Variants in GFPT1 observed in about 807,000 individuals in gnomAD.
GFPT1 encodes glutamine--fructose-6-phosphate transaminase 1.
A neutral mutation model predicts 92.0 loss-of-function variants in GFPT1; 40 were observed. That is an observed-to-expected ratio of 0.43 (90% CI 0.34 to 0.57). The LOEUF is 0.57. GFPT1 is among the 20% of genes least tolerant of loss of function. The pLI, the probability that GFPT1 is intolerant of heterozygous loss-of-function variation, is 0.02. For missense variants in GFPT1, 448 were observed against 869.1 expected (o/e 0.52, Z 6.09); for synonymous variants, 269 against 280.6 (o/e 0.96, Z 0.41).
chr2:69,342,116 AT>A, intron 13 of GFPT1, 35 bp downstream of exon 13: 2 of 1,101,770 alleles, frequency 1.8e-6, no homozygotes, highest in Non-Finnish European at 2.8e-6. Context: ...ATATTCTCTA[AT>A]ATTCAACATA....
chr2:69,365,685 T>C (rs548401817), intron 3 of GFPT1, among the ~76,000 whole-genome samples: 1 of 152,222 alleles, frequency 6.6e-6, no homozygotes, highest in Non-Finnish European at 1.5e-5. Flanking sequence ...AACTCAGGCA[T>C]CTATTCTTTC....
At chr2:69,352,431 C>T (rs78542231) in intron 9 of GFPT1, among the ~76,000 whole-genome samples, 3,409 of 149,710 alleles carry the variant, frequency 0.023, 135 homozygotes, top group African/African-American at 0.078. Flanking sequence ...TGAGCAACAG[C>T]CTGAAACCCC....
rs956338400 is a variant in GFPT1, at chr2:69,387,218, G to C, written c.-147C>G. On this transcript the variant is annotated 5_prime_UTR_variant, in exon 1 of 20. Transcript: ENST00000357308. ...TCGGGGATGCGACGGCCAAGGCAACGACAGCCTTCTCCGCCTCCCGGGCTC... is the reference window on the plus strand; with the variant it reads ...TCGGGGATGCGACGGCCAAGGCAACCACAGCCTTCTCCGCCTCCCGGGCTC... 38 of 849,430 alleles carry C rather than the reference G, an allele frequency of 4.5e-5. No individual in the cohort carries two copies. Among genetic ancestry groups the C allele is most frequent in the East Asian group, 3.3e-5 (1 of 30,578 alleles). The allele number at this position is 849,430 out of a possible 1,614,324, so 52.6% of individuals were successfully genotyped here.
chr2:69,327,207 G>C (rs1670552957), intron 18 of GFPT1, 132 bp from the exon 19 acceptor site: 1 of 766,956 alleles, frequency 1.3e-6, no homozygotes. Context: ...AAATTCCTGT[G>C]TAGTAAATCT....
chr2:69,343,724 T>C (rs1456439703), intron 12 of GFPT1, among the ~76,000 whole-genome samples: 1 of 152,202 alleles, frequency 6.6e-6, no homozygotes, highest in Non-Finnish European at 1.5e-5. Flanking sequence ...TCCACCTTCT[T>C]TTTTATCTTA....
intron 2 of GFPT1, among the ~76,000 whole-genome samples, chr2:69,372,269 G>C (rs1464322117): frequency 6.7e-6 from 1 of 149,080 alleles, no homozygotes; most frequent in African/African-American, 2.5e-5. Context: ...TAAGAGAAGT[G>C]GATCTAGAAA....
intron 19 of GFPT1, 137 bp downstream of exon 19, chr2:69,326,777 C>T: frequency 1.2e-6 from 1 of 835,982 alleles, no homozygotes; most frequent in Non-Finnish European, 2.0e-6. Flanking sequence ...ACAAATTGGG[C>T]CATGAAAATA....
chr2:69,330,203 C>CA (rs911756011), intron 15 of GFPT1, among the ~76,000 whole-genome samples: 1 of 152,102 alleles, frequency 6.6e-6, no homozygotes, highest in South Asian at 2.1e-4. Flanking sequence ...ACCCTGTCTC[C>CA]AAAAAACAAA....
intron 9 of GFPT1, among the ~76,000 whole-genome samples, chr2:69,352,642 T>G (rs1259290022): frequency 7.7e-6 from 1 of 129,342 alleles, no homozygotes; most frequent in African/African-American, 3.0e-5. Context: ...AAAAAACAAC[T>G]ACTTTTGCTT....
At chr2:69,342,293 T>C (rs750883989) in intron 12 of GFPT1, 44 bp from the exon 13 acceptor site, 13 of 1,186,728 alleles carry the variant, frequency 1.1e-5, no homozygotes, top group Non-Finnish European at 1.6e-5. Flanking sequence ...CAAAGAACCA[T>C]GTGAACTAGG....
intron 1 of GFPT1, among the ~76,000 whole-genome samples, chr2:69,386,025 T>G (rs919497968): frequency 2.6e-5 from 3 of 117,428 alleles, no homozygotes; most frequent in African/African-American, 3.3e-5. Flanking sequence ...GGTACTTCCC[T>G]TTAAAAAAAA....
At position 69,349,992 on chromosome 2, in the gene GFPT1, T is replaced by C. The variant is rs1393213590; in HGVS notation, c.845+86A>G. 3.9e-5 allele frequency: 35 copies of C among 896,778 alleles called. No individual in the cohort carries two copies. In the East Asian group the frequency reaches 8.0e-4, roughly 21 times the overall value. 55.6% of individuals were successfully genotyped at this position (896,778 alleles called of 1,614,324 possible). A position where few individuals can be genotyped will look rare whatever the true frequency, so the allele number is the denominator to read the frequency against. ...AAAAAGTTATCTCACAGAGCACAAC[T>C]AGACTGATACACAATGACTTCTTGG... On this transcript the variant is annotated intron_variant, in intron 10 of 19. Coordinates refer to ENST00000357308, the MANE Select transcript of GFPT1 (RefSeq NM_001244710.2).
At chr2:69,385,372 C>G (rs952597623) in intron 1 of GFPT1, among the ~76,000 whole-genome samples, 1 of 151,946 alleles carries the variant, frequency 6.6e-6, no homozygotes, top group African/African-American at 2.4e-5. Flanking sequence ...ATTACAGGCG[C>G]GTACCACCAC....
At chr2:69,386,979 T>A in intron 1 of GFPT1, 86 bp downstream of exon 1, 1 of 1,075,752 alleles carries the variant, frequency 9.3e-7, no homozygotes, top group Non-Finnish European at 1.4e-6. Context: ...CACTCCCGCT[T>A]CCGCCCGTCG....
chr2:69,321,751 A>G lies in GFPT1; in HGVS notation c.*4438T>C, dbSNP rs1483526142. On this transcript the variant is annotated 3_prime_UTR_variant, in exon 20 of 20. Coordinates refer to ENST00000357308, the MANE Select transcript of GFPT1 (RefSeq NM_001244710.2). Reference sequence around the variant, plus strand: ...ACATTCAACCACAGAACATTCAGAAAGCTAACAGGATCATTTCTACATTCA... The same window carrying G: ...ACATTCAACCACAGAACATTCAGAAGGCTAACAGGATCATTTCTACATTCA... 1.3e-5 allele frequency: 2 copies of G among 152,240 alleles called. No homozygotes were observed. Among genetic ancestry groups the G allele is most frequent in the Non-Finnish European group, 2.9e-5 (2 of 68,032 alleles). The allele number at this position is 152,240 out of a possible 1,614,324, so 9.4% of individuals were successfully genotyped here.
chr2:69,375,631 A>T (rs1671851805), intron 1 of GFPT1, among the ~76,000 whole-genome samples: 1 of 152,234 alleles, frequency 6.6e-6, no homozygotes, highest in Non-Finnish European at 1.5e-5. Context: ...TTTCATTCAG[A>T]TTAAAAAAAG....
chr2:69,326,669 A>G (rs1347939157), intron 19 of GFPT1, among the ~76,000 whole-genome samples: 2 of 152,244 alleles, frequency 1.3e-5, no homozygotes, highest in Non-Finnish European at 2.9e-5. Context: ...TTATATTAAG[A>G]AAACAGGTGG....
chr2:69,338,093 G>A (rs1259996126), intron 14 of GFPT1, 38 bp from the exon 15 acceptor site: 1 of 1,593,706 alleles, frequency 6.3e-7, no homozygotes, highest in Non-Finnish European at 8.6e-7. Context: ...ACACAGAACA[G>A]TTTTAACATA....
At chr2:69,327,221 T>C in intron 18 of GFPT1, 146 bp from the exon 19 acceptor site, 1 of 741,312 alleles carries the variant, frequency 1.3e-6, no homozygotes, top group Non-Finnish European at 2.4e-6. Flanking sequence ...TAAATCTGAT[T>C]GTTATTACTT....
Sources: allele counts gnomAD v4.1 joint callset (sites outside exome capture counted in the v4.1 genomes callset), GRCh38; gene constraint gnomAD v4.1.1; transcripts MANE v1.5; gene names NCBI Gene and HGNC (gene_info 2026-07-23, HGNC 2026-07-21).